Variants in UNC5D observed in about 807,000 individuals in gnomAD.
UNC5D encodes the protein unc-5 netrin receptor D, also known as netrin receptor UNC5D.
Under a neutral mutation model 105.4 loss-of-function variants are expected in UNC5D, and 39 were observed. The ratio of observed to expected loss-of-function variants is 0.37; its 90% CI spans 0.29 to 0.48. The LOEUF is 0.48. UNC5D is among the 20% of genes least tolerant of loss of function. The pLI, the probability that UNC5D is intolerant of heterozygous loss-of-function variation, is 0.98. For missense variants in UNC5D, 991 were observed against 1,202.4 expected (o/e 0.82, Z 2.60); for synonymous variants, 452 against 450.4 (o/e 1.00, Z -0.04).
chr8:35,630,280 C>G (rs549735477), intron 4 of UNC5D, among the ~76,000 whole-genome samples: 2 of 152,196 alleles, frequency 1.3e-5, no homozygotes, highest in Admixed American at 6.5e-5. Context: ...ATCCAATGAT[C>G]TACAACTGTT....
At chr8:35,770,866 T>C (rs1801981634) in intron 15 of UNC5D, among the ~76,000 whole-genome samples, 1 of 152,236 alleles carries the variant, frequency 6.6e-6, no homozygotes, top group South Asian at 2.1e-4. Flanking sequence ...TTGGAATTTC[T>C]CATTGATTTA....
chr8:35,285,974 TTG>T (rs34230123), intron 1 of UNC5D, among the ~76,000 whole-genome samples: 54,735 of 151,922 alleles, frequency 0.36, 10,842 homozygotes, highest in Middle Eastern at 0.45. Flanking sequence ...AAGTCACAGT[TTG>T]TGAGTATGTC....
At chr8:35,720,918 G>C (rs1828549559) in intron 8 of UNC5D, among the ~76,000 whole-genome samples, 1 of 150,800 alleles carries the variant, frequency 6.6e-6, no homozygotes, top group Non-Finnish European at 1.5e-5. Flanking sequence ...AACCAGTTCT[G>C]CTTGATTTCC....
At chr8:35,533,363 G>T (rs62390783) in intron 1 of UNC5D, among the ~76,000 whole-genome samples, 22 of 152,030 alleles carry the variant, frequency 1.4e-4, no homozygotes, top group African/African-American at 2.4e-4. Flanking sequence ...CTGCTCGGGG[G>T]TCAGGGGTCA....
intron 16 of UNC5D, among the ~76,000 whole-genome samples, chr8:35,777,777 A>T (rs1174964759): frequency 6.6e-6 from 1 of 152,204 alleles, no homozygotes; most frequent in Non-Finnish European, 1.5e-5. Flanking sequence ...CTGACCCCTG[A>T]TTTAAGTGAA....
chr8:35,454,880 T>C (rs1450517450), intron 1 of UNC5D, among the ~76,000 whole-genome samples: 3 of 152,204 alleles, frequency 2.0e-5, no homozygotes, highest in Non-Finnish European at 4.4e-5. Context: ...AATTGTCATA[T>C]GGCAACTTCC....
At chr8:35,271,925 C>G (rs560476510) in intron 1 of UNC5D, among the ~76,000 whole-genome samples, 51 of 151,952 alleles carry the variant, frequency 3.4e-4, no homozygotes, top group African/African-American at 1.1e-3. Context: ...TTTTGAGAAG[C>G]CTTCATGTCA....
At chr8:35,645,567 G>T (rs1822998118) in intron 4 of UNC5D, among the ~76,000 whole-genome samples, 1 of 150,758 alleles carries the variant, frequency 6.6e-6, no homozygotes, top group Non-Finnish European at 1.5e-5. Flanking sequence ...ATTCTCTCTT[G>T]TTTCTAGTAC....
At chr8:35,487,115 T>G (rs926507383) in intron 1 of UNC5D, among the ~76,000 whole-genome samples, 2 of 152,178 alleles carry the variant, frequency 1.3e-5, no homozygotes, top group Non-Finnish European at 2.9e-5. Flanking sequence ...GAAAAAATCC[T>G]CAGTCTTTGG....
chr8:35,580,333 C>T (rs2130838551), intron 3 of UNC5D, among the ~76,000 whole-genome samples: 1 of 152,156 alleles, frequency 6.6e-6, no homozygotes, highest in African/African-American at 2.4e-5. Flanking sequence ...GGTGAGTAGA[C>T]ATCTGTCAGG....
chr8:35,493,584 G>A (rs536482379), intron 1 of UNC5D, among the ~76,000 whole-genome samples: 1 of 151,818 alleles, frequency 6.6e-6, no homozygotes, highest in East Asian at 1.9e-4. Flanking sequence ...CTACCTCAAA[G>A]CAAAACAAAA....
chr8:35,268,998 T>G (rs1324314754), intron 1 of UNC5D, among the ~76,000 whole-genome samples: 4 of 152,164 alleles, frequency 2.6e-5, no homozygotes, highest in African/African-American at 9.7e-5. Flanking sequence ...AGTATGTGGG[T>G]GGGTAACCAT....
chr8:35,324,904 A>T (rs1207201836), intron 1 of UNC5D, among the ~76,000 whole-genome samples: 3 of 152,126 alleles, frequency 2.0e-5, no homozygotes, highest in African/African-American at 7.2e-5. Flanking sequence ...TGGCATTGAC[A>T]TGGAAAAAGG....
intron 1 of UNC5D, among the ~76,000 whole-genome samples, chr8:35,545,681 A>G (rs1815610493): frequency 6.6e-6 from 1 of 151,784 alleles, no homozygotes; most frequent in Admixed American, 6.6e-5. Flanking sequence ...ATTTTCACCT[A>G]CCTCATTTTT....
At chr8:35,385,253 T>C (rs947524253) in intron 1 of UNC5D, among the ~76,000 whole-genome samples, 4 of 152,150 alleles carry the variant, frequency 2.6e-5, no homozygotes, top group African/African-American at 9.7e-5. Context: ...CACTTCTTAA[T>C]GATGTGAGTG....
At chr8:35,334,326 G>C (rs916987141) in intron 1 of UNC5D, among the ~76,000 whole-genome samples, 1 of 152,152 alleles carries the variant, frequency 6.6e-6, no homozygotes, top group Non-Finnish European at 1.5e-5. Context: ...TCACCAATTA[G>C]AACAACATCA....
chr8:35,699,648 G>T (rs1827038108), intron 7 of UNC5D, among the ~76,000 whole-genome samples: 3 of 152,228 alleles, frequency 2.0e-5, no homozygotes, highest in African/African-American at 7.2e-5. Flanking sequence ...CTCTGTGCTT[G>T]TCCTCCATGA....
chr8:35,715,492 CAGTGTTAACTGATTG>C (rs1304809320), intron 8 of UNC5D, among the ~76,000 whole-genome samples: 9 of 151,968 alleles, frequency 5.9e-5, no homozygotes, highest in African/African-American at 2.2e-4. Context: ...GTTAACAGTA[CAGTGTTAACTGATTG>C]GGGAGATTAT....
intron 1 of UNC5D, among the ~76,000 whole-genome samples, chr8:35,364,368 TG>T (rs1293756104): frequency 2.6e-5 from 4 of 152,162 alleles, no homozygotes; most frequent in Non-Finnish European, 5.9e-5. Context: ...TTGCCTGCTA[TG>T]AGGCCCCTGG....
Sources: allele counts gnomAD v4.1 joint callset (sites outside exome capture counted in the v4.1 genomes callset), GRCh38; gene constraint gnomAD v4.1.1; transcripts MANE v1.5; gene names NCBI Gene and HGNC (gene_info 2026-07-23, HGNC 2026-07-21).